Variants in SGCZ observed in about 807,000 individuals in gnomAD.
SGCZ encodes the protein sarcoglycan zeta.
SGCZ carries 40 observed loss-of-function variants against 41.3 expected under a neutral mutation model. That is an observed-to-expected ratio of 0.97 (90% CI 0.75 to 1.26). The LOEUF (loss-of-function observed/expected upper bound fraction) is 1.26. Ranked by LOEUF, SGCZ falls within the 50% of genes most tolerant of loss-of-function variation. SGCZ has a pLI of 0.00. For missense variants in SGCZ, 552 were observed against 369.8 expected (o/e 1.49, Z -4.04); for synonymous variants, 206 against 137.5 (o/e 1.50, Z -3.49).
chr8:14,335,737 A>G (rs1322439699), intron 2 of SGCZ, among the ~76,000 whole-genome samples: 1 of 152,078 alleles, frequency 6.6e-6, no homozygotes, highest in Non-Finnish European at 1.5e-5. Context: ...ACAAGCTCAG[A>G]ACTTTCGAGT....
intron 1 of SGCZ, among the ~76,000 whole-genome samples, chr8:14,959,594 T>C (rs1014782658): frequency 1.3e-5 from 2 of 152,174 alleles, no homozygotes; most frequent in African/African-American, 4.8e-5. Flanking sequence ...TTTTCGTTCT[T>C]CTCAGTATCC....
chr8:14,616,547 TATG>T (rs1338123953), intron 1 of SGCZ, among the ~76,000 whole-genome samples: 2 of 152,170 alleles, frequency 1.3e-5, no homozygotes, highest in African/African-American at 4.8e-5. Flanking sequence ...GTAAATTTTA[TATG>T]ATTCATAAAA....
chr8:14,433,004 A>T (rs1362566175), intron 2 of SGCZ, among the ~76,000 whole-genome samples: 4 of 151,876 alleles, frequency 2.6e-5, no homozygotes, highest in African/African-American at 7.3e-5. Context: ...AAACAAAACT[A>T]AAGAAAAAAA....
At chr8:14,945,454 A>T (rs570046661) in intron 1 of SGCZ, among the ~76,000 whole-genome samples, 45 of 152,232 alleles carry the variant, frequency 3.0e-4, no homozygotes, top group Non-Finnish European at 6.0e-4. Flanking sequence ...TCTAAGCACT[A>T]TCATGAAGAG....
intron 3 of SGCZ, among the ~76,000 whole-genome samples, chr8:14,304,334 C>A (rs555614615): frequency 6.6e-6 from 1 of 151,940 alleles, no homozygotes; most frequent in South Asian, 2.1e-4. Context: ...TGGTGCACAC[C>A]TGTAATACCA....
At chr8:14,853,092 A>T (rs1241123907) in intron 1 of SGCZ, among the ~76,000 whole-genome samples, 1 of 152,216 alleles carries the variant, frequency 6.6e-6, no homozygotes, top group African/African-American at 2.4e-5. Context: ...AGCAGCATTC[A>T]TATTTGAAGA....
At chr8:15,017,904 T>C (rs1486323027) in intron 1 of SGCZ, among the ~76,000 whole-genome samples, 2 of 152,072 alleles carry the variant, frequency 1.3e-5, no homozygotes, top group Non-Finnish European at 2.9e-5. Context: ...AATTCAAAAC[T>C]TTTTTTCTAA....
rs528872651 is a variant in SGCZ, at chr8:14,613,632, T to C, written c.40-58706A>G. On this transcript the variant is annotated intron_variant, in intron 1 of 7. Transcript: ENST00000382080. ...TCAGAGCATGCAGAATTTGCAGGGG[T>C]ATACGCCATTAAATCATGTAAATGA... 1.9e-3 allele frequency among the ~76,000 whole-genome samples: 292 copies of C among 152,296 alleles called. 1 individual carries two copies. The highest frequency in any genetic ancestry group is 2.9e-3 in the Non-Finnish European group (196 of 68,018).
chr8:14,343,042 G>C (rs1191662981), intron 2 of SGCZ, among the ~76,000 whole-genome samples: 2 of 152,184 alleles, frequency 1.3e-5, no homozygotes, highest in Non-Finnish European at 1.5e-5. Context: ...TGACTTCAGA[G>C]GGTGGAAGCC....
chr8:14,619,742 A>G (rs983168440), intron 1 of SGCZ, among the ~76,000 whole-genome samples: 23 of 152,190 alleles, frequency 1.5e-4, no homozygotes, highest in Non-Finnish European at 3.4e-4. Context: ...AAGGGATTTG[A>G]AGGACCTTTT....
chr8:14,409,822 A>G, intron 2 of SGCZ, among the ~76,000 whole-genome samples: 1 of 152,308 alleles, frequency 6.6e-6, no homozygotes, highest in Middle Eastern at 3.4e-3. Flanking sequence ...TGCTTTCCTA[A>G]TATAAACAAT....
At chr8:14,146,227 A>G (rs1167033511) in intron 5 of SGCZ, among the ~76,000 whole-genome samples, 1 of 152,192 alleles carries the variant, frequency 6.6e-6, no homozygotes, top group African/African-American at 2.4e-5. Context: ...GAGCTCCAAC[A>G]GGTCTGGCAG....
chr8:15,015,735 G>C (rs1344512019), intron 1 of SGCZ, among the ~76,000 whole-genome samples: 1 of 107,132 alleles, frequency 9.3e-6, no homozygotes, highest in African/African-American at 4.9e-5. Flanking sequence ...ACGTGTGTGT[G>C]TGTGTGTGTG....
chr8:15,013,322 T>G (rs923962732), intron 1 of SGCZ, among the ~76,000 whole-genome samples: 3 of 152,154 alleles, frequency 2.0e-5, no homozygotes, highest in African/African-American at 7.2e-5. Flanking sequence ...ATGACCTGGA[T>G]AATGGAATCA....
At chr8:15,028,835 T>G (rs987773448) in intron 1 of SGCZ, among the ~76,000 whole-genome samples, 4 of 152,068 alleles carry the variant, frequency 2.6e-5, no homozygotes, top group Admixed American at 6.5e-5. Context: ...AATCAGGTAC[T>G]TTCATGGTGT....
At chr8:14,866,033 T>C (rs539531763) in intron 1 of SGCZ, among the ~76,000 whole-genome samples, 1 of 152,242 alleles carries the variant, frequency 6.6e-6, no homozygotes, top group Admixed American at 6.5e-5. Context: ...GATTTTTTTA[T>C]AGAAGAATGT....
intron 1 of SGCZ, among the ~76,000 whole-genome samples, chr8:15,085,159 G>C (rs1211928812): frequency 6.6e-6 from 1 of 152,138 alleles, no homozygotes; most frequent in East Asian, 1.9e-4. Flanking sequence ...ACAGCCAATA[G>C]GAGGTGCAGC....
chr8:14,344,764 G>C (rs976283127), intron 2 of SGCZ, among the ~76,000 whole-genome samples: 1 of 151,984 alleles, frequency 6.6e-6, no homozygotes, highest in Non-Finnish European at 1.5e-5. Context: ...TTTTATACAT[G>C]AGACCAGCTA....
chr8:14,104,348 A>G (rs1802135575), intron 6 of SGCZ, among the ~76,000 whole-genome samples: 1 of 151,966 alleles, frequency 6.6e-6, no homozygotes, highest in African/African-American at 2.4e-5. Context: ...TGGTTTTTCA[A>G]AGCATTCTGT....
Sources: gnomAD v4.1 joint callset for allele counts (sites outside exome capture counted in the v4.1 genomes callset) on GRCh38, gnomAD v4.1.1 for gene constraint, MANE v1.5 for transcripts, NCBI Gene and HGNC (gene_info 2026-07-23, HGNC 2026-07-21) for gene names.